Variants in TRAPPC12 observed in about 807,000 individuals in gnomAD.
TRAPPC12 encodes trafficking protein particle complex subunit 12, also known as TPR repeat protein 15.
In TRAPPC12, 61 loss-of-function variants were observed where a neutral mutation model predicts 69.2. That is an observed-to-expected ratio of 0.88 (90% CI 0.72 to 1.09). The LOEUF is 1.09. Ranked by LOEUF, TRAPPC12 falls within the 50% of genes least tolerant of loss-of-function variation. The pLI is 0.00. For synonymous variants in TRAPPC12, 469 were observed against 438.9 expected (o/e 1.07, Z -0.86); for missense variants, 1,101 against 1,016.4 (o/e 1.08, Z -1.13).
chr2:3,432,194 G>A (rs1343217732), intron 5 of TRAPPC12, among the ~76,000 whole-genome samples: 2 of 152,222 alleles, frequency 1.3e-5, no homozygotes, highest in African/African-American at 4.8e-5. Flanking sequence ...AGATCTGCAT[G>A]TTTAGACTAA....
At chr2:3,398,490 G>A (rs2103460251) in intron 2 of TRAPPC12, among the ~76,000 whole-genome samples, 1 of 152,314 alleles carries the variant, frequency 6.6e-6, no homozygotes, top group East Asian at 1.9e-4. Flanking sequence ...TTCTGCATTG[G>A]CGATGTGGCA....
In TRAPPC12 at chr2:3,388,084, C is replaced by T. The variant is rs1342729317; in HGVS notation, c.461C>T (p.Ala154Val). The change falls in exon 2 of 12, where the codon GCG becomes GTG. Residue 154 changes from alanine to valine, a missense_variant. By Grantham distance (64) the Ala-to-Val change is moderately conservative. Coordinates refer to ENST00000324266, the MANE Select transcript of TRAPPC12 (RefSeq NM_016030.6). ...CGCCCGGAGCAGGAGCCTCCCGTTG[C>T]GGAGCCGGTCCCGGTGTGCACCATC... is the stretch of plus-strand genomic sequence containing the variant. ...AARPEQEPPV[A>V]EPVPVCTIFS... 3 of 1,538,606 alleles carry T rather than the reference C, an allele frequency of 1.9e-6. No homozygotes were observed. The highest frequency in any genetic ancestry group is 2.6e-6 in the Non-Finnish European group (3 of 1,147,834).
chr2:3,424,287 A>G (rs1307627755), intron 4 of TRAPPC12, among the ~76,000 whole-genome samples: 1 of 152,210 alleles, frequency 6.6e-6, no homozygotes, highest in African/African-American at 2.4e-5. Flanking sequence ...TCCTGGGCTC[A>G]AGCAATCTTC....
At chr2:3,411,150 A>G (rs1335756562) in intron 3 of TRAPPC12, among the ~76,000 whole-genome samples, 1 of 152,142 alleles carries the variant, frequency 6.6e-6, no homozygotes, top group Admixed American at 6.5e-5. Flanking sequence ...TTTCAGAAAA[A>G]CCCAAAACTT....
At chr2:3,386,650 G>A (rs1188530394) in intron 1 of TRAPPC12, among the ~76,000 whole-genome samples, 1 of 151,760 alleles carries the variant, frequency 6.6e-6, no homozygotes, top group African/African-American at 2.4e-5. Context: ...AATTTTTCAT[G>A]TCATTCGCAC....
intron 6 of TRAPPC12, among the ~76,000 whole-genome samples, chr2:3,453,904 A>G (rs1338364171): frequency 6.6e-6 from 1 of 152,234 alleles, no homozygotes; most frequent in African/African-American, 2.4e-5. Context: ...CTGTCTCTAG[A>G]TAGACAGCAA....
chr2:3,446,692 G>A (rs932607218), intron 6 of TRAPPC12, among the ~76,000 whole-genome samples: 10 of 152,330 alleles, frequency 6.6e-5, no homozygotes, highest in Admixed American at 2.0e-4. Context: ...GGAGCAATGC[G>A]TCTCCACGCT....
chr2:3,457,487 A>C, intron 6 of TRAPPC12, 134 bp from the exon 7 acceptor site: 1 of 662,944 alleles, frequency 1.5e-6, no homozygotes, highest in Non-Finnish European at 2.6e-6. Context: ...ATATTTTTTA[A>C]AAGTATGTGT....
chr2:3,465,297 T>G (rs545376114), intron 8 of TRAPPC12, among the ~76,000 whole-genome samples: 2 of 152,300 alleles, frequency 1.3e-5, no homozygotes, highest in African/African-American at 4.8e-5. Context: ...AATCGCTGTT[T>G]AGAAGATGGA....
At chr2:3,477,876 C>A in intron 10 of TRAPPC12, 81 bp downstream of exon 10, 1 of 904,606 alleles carries the variant, frequency 1.1e-6, no homozygotes, top group South Asian at 2.0e-5. Flanking sequence ...TGGAAAGCTC[C>A]CTAGAGAAGG....
chr2:3,412,729 G>C (rs1486732116), intron 3 of TRAPPC12, among the ~76,000 whole-genome samples: 1 of 152,168 alleles, frequency 6.6e-6, no homozygotes, highest in Admixed American at 6.5e-5. Flanking sequence ...TCCAACTCCA[G>C]GGTGGCCAGC....
In TRAPPC12 at chr2:3,479,358, A is replaced by G. The variant is rs761042848; in HGVS notation, c.2105A>G (p.Glu702Gly). The change falls in exon 12 of 12, where the codon GAG becomes GGG. Residue 702 changes from glutamate to glycine, a missense_variant. Transcript: ENST00000324266. Reference protein sequence around the residue: ...SVLFNLTTMYELESSRSMQKK... With the variant: ...SVLFNLTTMYGLESSRSMQKK... Reference sequence around the variant, plus strand: ...CTCTTCAACCTGACCACCATGTACGAGCTGGAGTCCTCACGGAGCATGCAG... The same window carrying G: ...CTCTTCAACCTGACCACCATGTACGGGCTGGAGTCCTCACGGAGCATGCAG... 2 of 1,614,182 alleles carry G rather than the reference A, an allele frequency of 1.2e-6. No individual in the cohort carries two copies. Among genetic ancestry groups the G allele is most frequent in the Non-Finnish European group, 1.7e-6 (2 of 1,180,042 alleles).
intron 6 of TRAPPC12, among the ~76,000 whole-genome samples, chr2:3,451,651 G>C (rs1170790452): frequency 6.6e-6 from 1 of 152,026 alleles, no homozygotes; most frequent in East Asian, 1.9e-4. Context: ...GCCCTCCTGA[G>C]TAGCTGGGAC....
intron 5 of TRAPPC12, among the ~76,000 whole-genome samples, chr2:3,441,871 T>G (rs1041879059): frequency 6.6e-6 from 1 of 152,110 alleles, no homozygotes; most frequent in Admixed American, 6.5e-5. Flanking sequence ...TCCCACAAAT[T>G]TTGATAAGTT....
chr2:3,418,471 C>T (rs1165888287), intron 3 of TRAPPC12, among the ~76,000 whole-genome samples: 2 of 152,176 alleles, frequency 1.3e-5, no homozygotes, highest in East Asian at 3.9e-4. Flanking sequence ...TACTGAGCCA[C>T]GAGGGGCCTA....
intron 3 of TRAPPC12, among the ~76,000 whole-genome samples, chr2:3,407,838 A>C (rs1028904978): frequency 3.5e-4 from 54 of 152,148 alleles, no homozygotes; most frequent in Admixed American, 3.5e-3. Flanking sequence ...GAGGGCCACC[A>C]GGAAGGGGAA....
At chr2:3,452,594 G>A (rs1190527306) in intron 6 of TRAPPC12, among the ~76,000 whole-genome samples, 2 of 152,196 alleles carry the variant, frequency 1.3e-5, no homozygotes, top group East Asian at 3.9e-4. Flanking sequence ...CTGCCAGGAT[G>A]CGGCTTGTAC....
intron 2 of TRAPPC12, among the ~76,000 whole-genome samples, chr2:3,394,792 G>T (rs1355807002): frequency 1.3e-5 from 2 of 151,958 alleles, no homozygotes; most frequent in African/African-American, 4.8e-5. Context: ...GAATTATCCA[G>T]CTTGTAAGTA....
chr2:3,409,799 C>G (rs1572113669), intron 3 of TRAPPC12, among the ~76,000 whole-genome samples: 1 of 145,194 alleles, frequency 6.9e-6, no homozygotes. Flanking sequence ...TGAAAAAATC[C>G]TGTTTCTATT....
Sources: allele counts gnomAD v4.1 joint callset (sites outside exome capture counted in the v4.1 genomes callset), GRCh38; gene constraint gnomAD v4.1.1; transcripts MANE v1.5; gene names NCBI Gene and HGNC (gene_info 2026-07-23, HGNC 2026-07-21).